The following VIPR2 variants were observed in gnomAD, a reference collection of about 807,000 sequenced individuals.
The protein encoded by VIPR2 is vasoactive intestinal polypeptide receptor 2.
Under a neutral mutation model 58.0 loss-of-function variants are expected in VIPR2, and 48 were observed. That is an observed-to-expected ratio of 0.83 (90% CI 0.66 to 1.05). The LOEUF (loss-of-function observed/expected upper bound fraction) is 1.05. Among genes scored for constraint, VIPR2 ranks in the 50% least tolerant of loss-of-function variants. VIPR2 has a pLI of 0.00. For missense variants in VIPR2, 534 were observed against 558.0 expected, an observed-to-expected ratio of 0.96 and a Z score of 0.43; for synonymous variants, 243 against 235.2, an observed-to-expected ratio of 1.03 and a Z score of -0.30.
intron 2 of VIPR2, among the ~76,000 whole-genome samples, chr7:159,110,319 G>C (rs1008494059): frequency 1.3e-5 from 2 of 152,220 alleles, no homozygotes; most frequent in African/African-American, 4.8e-5. Context: ...GCAAATAAAA[G>C]TATTTGATAA....
chr7:159,128,238 G>C lies in VIPR2; in HGVS notation c.151+14208C>G, dbSNP rs970964146. 6.6e-6 allele frequency among the ~76,000 whole-genome samples: 1 copy of C among 152,144 alleles called. No individual in the cohort carries two copies. The highest frequency in any genetic ancestry group is 2.4e-5 in the African/African-American group (1 of 41,426). On this transcript the variant is annotated intron_variant, in intron 2 of 12. Coordinates refer to ENST00000262178, the MANE Select transcript of VIPR2 (RefSeq NM_003382.5). This position sits in a 1 kb window ranked among gnomAD's most constrained non-coding sequence, Gnocchi z 4.1. The stretch of plus-strand genomic sequence containing the variant: ...CGGCCGGCCATGGTGTGGAACAGCT[G>C]CTGGGCCCTGGGATGTCTGCCCCAT...
rs1396370816 is a variant in VIPR2, at chr7:159,098,111, C to G, written c.357+5646G>C. 6.6e-6 allele frequency among the ~76,000 whole-genome samples: 1 copy of G among 152,232 alleles called. No homozygotes were observed. The highest frequency in any genetic ancestry group is 1.5e-5 in the Non-Finnish European group (1 of 68,042). On this transcript the variant is annotated intron_variant, in intron 4 of 12. Coordinates refer to ENST00000262178, the MANE Select transcript of VIPR2 (RefSeq NM_003382.5). The surrounding 1 kb of genome is among the most constrained non-coding windows in gnomAD (Gnocchi z 5.2). ...CCAGCCCGGCCACTGCCGCTCCCGT[C>G]CTCTGCCTGAGCTGTTCTGTTTTCC... is the stretch of plus-strand genomic sequence containing the variant.
At chr7:159,032,679 C>T (rs1306428072) in intron 10 of VIPR2, among the ~76,000 whole-genome samples, 1 of 152,194 alleles carries the variant, frequency 6.6e-6, no homozygotes, top group Non-Finnish European at 1.5e-5. Context: ...ACCAGAGTTA[C>T]ACAGAAAGGA....
At chr7:159,118,740 C>T (rs1016150742) in intron 2 of VIPR2, among the ~76,000 whole-genome samples, 3 of 152,198 alleles carry the variant, frequency 2.0e-5, no homozygotes, top group Admixed American at 1.3e-4. Flanking sequence ...CTTCTTGTAC[C>T]GTGGTGATTC....
intron 5 of VIPR2, among the ~76,000 whole-genome samples, chr7:159,056,494 T>C (rs1342932616): frequency 1.3e-5 from 2 of 152,114 alleles, no homozygotes; most frequent in East Asian, 1.9e-4. Flanking sequence ...TGGACTGGCA[T>C]GGACTGGAAC....
Position 159,032,083 on chromosome 7 carries a change from T to C in VIPR2, c.972-16A>G. 1 of 1,613,652 alleles carries C rather than the reference T, an allele frequency of 6.2e-7. No individual in the cohort carries two copies. ...GGCCAGCCTCCTGCACAGAAGGAGA[T>C]GAGCCAGCTCAGCTGCTGGACCCTC... is the stretch of plus-strand genomic sequence containing the variant. On this transcript the variant is annotated splice_polypyrimidine_tract_variant and intron_variant, in intron 10 of 12. Transcript: ENST00000262178.
At chr7:159,121,032 G>T (rs936903405) in intron 2 of VIPR2, among the ~76,000 whole-genome samples, 1 of 152,174 alleles carries the variant, frequency 6.6e-6, no homozygotes, top group African/African-American at 2.4e-5. Context: ...ATTAAAGTTT[G>T]GAGCTAAACA....
chr7:159,106,347 T>C (rs1396947192), intron 3 of VIPR2, among the ~76,000 whole-genome samples: 4 of 152,100 alleles, frequency 2.6e-5, no homozygotes, highest in Non-Finnish European at 2.9e-5. Context: ...GGGGCAGATG[T>C]GGAAGGACAG....
At chr7:159,103,703 G>C in intron 4 of VIPR2, 54 bp downstream of exon 4, 6 of 1,353,866 alleles carry the variant, frequency 4.4e-6, no homozygotes, top group Non-Finnish European at 5.3e-6. Flanking sequence ...GGGGGCTTCT[G>C]GTGCAGTGTT....
chr7:159,088,620 T>C (rs896961417), intron 4 of VIPR2, among the ~76,000 whole-genome samples: 1 of 152,230 alleles, frequency 6.6e-6, no homozygotes, highest in Non-Finnish European at 1.5e-5. Context: ...CAGGACAGTG[T>C]CTCACAAGTT....
rs111262456 is a variant in VIPR2 at position 159,042,673 on chromosome 7, C to T, written c.597+362G>A. On this transcript the variant is annotated intron_variant, in intron 6 of 12. Transcript: ENST00000262178. ...CTGCTCAGAATCTAGGAGATTCAGACAGAAAGCAACAGAGTTGTGTGTGTT... is the reference window on the plus strand; with the variant it reads ...CTGCTCAGAATCTAGGAGATTCAGATAGAAAGCAACAGAGTTGTGTGTGTT... 7.7e-3 allele frequency among the ~76,000 whole-genome samples: 1,170 copies of T among 152,350 alleles called. 13 individuals are homozygous for T. The highest frequency in any genetic ancestry group is 0.023 in the African/African-American group (955 of 41,574).
At position 159,097,000 on chromosome 7, in the gene VIPR2, G is replaced by GCT. The variant is rs1183386178; in HGVS notation, c.357+6755_357+6756dup. 4.2e-5 allele frequency: 65 copies of GCT among 1,550,476 alleles called. No homozygotes were observed. The highest frequency in any genetic ancestry group is 5.6e-5 in the Non-Finnish European group (64 of 1,146,994). On this transcript the variant is annotated intron_variant, in intron 4 of 12. Transcript: ENST00000262178. The surrounding 1 kb of genome is among the most constrained non-coding windows in gnomAD (Gnocchi z 5.5). The stretch of plus-strand genomic sequence containing the variant: ...ATGAGGGGAGGCTTCCTTCAGAAAA[G>GCT]CTGCTGCTCTCAGAGGTGATTTGGG...
chr7:159,073,314 C>T (rs1376372246), intron 4 of VIPR2, among the ~76,000 whole-genome samples: 1 of 152,036 alleles, frequency 6.6e-6, no homozygotes, highest in Non-Finnish European at 1.5e-5. Context: ...GTAGATTTTC[C>T]CCAGGATGCA....
intron 2 of VIPR2, chr7:159,117,039 C>T (rs984665026): frequency 1.6e-4 from 68 of 435,178 alleles, no homozygotes; most frequent in Non-Finnish European, 2.5e-5. Flanking sequence ...ATGACTTTTA[C>T]ATATACTCCA....
At chr7:159,104,083 CTG>C (rs1210431301) in intron 3 of VIPR2, among the ~76,000 whole-genome samples, 2 of 152,194 alleles carry the variant, frequency 1.3e-5, no homozygotes, top group East Asian at 3.9e-4. Flanking sequence ...AGTGAACGCA[CTG>C]TGTCATAAGT....
chr7:159,135,148 A>G (rs1797162798), intron 2 of VIPR2, among the ~76,000 whole-genome samples: 1 of 151,978 alleles, frequency 6.6e-6, no homozygotes, highest in African/African-American at 2.4e-5. Context: ...TTTAACATTA[A>G]AAAAGGGCCG....
chr7:159,051,903 T>C (rs1855029749), intron 5 of VIPR2, among the ~76,000 whole-genome samples: 1 of 152,210 alleles, frequency 6.6e-6, no homozygotes, highest in Non-Finnish European at 1.5e-5. Context: ...TTTTAATACA[T>C]GTCTTTCAGT....
intron 1 of VIPR2, among the ~76,000 whole-genome samples, chr7:159,143,844 C>CCCG (rs1217453628): frequency 1.3e-5 from 2 of 152,280 alleles, no homozygotes; most frequent in African/African-American, 4.8e-5. Flanking sequence ...TTTCCAAGGA[C>CCCG]CCGCTCCGCA....
intron 5 of VIPR2, among the ~76,000 whole-genome samples, chr7:159,047,742 T>C (rs749931605): frequency 1.3e-5 from 2 of 152,244 alleles, no homozygotes; most frequent in Non-Finnish European, 2.9e-5. Flanking sequence ...GCTGAGCGTT[T>C]ACACAACACC....
Sources: gnomAD v4.1 joint callset for allele counts (sites outside exome capture counted in the v4.1 genomes callset) on GRCh38, gnomAD v4.1.1 for gene constraint, Gnocchi (gnomAD v3.1) non-coding constraint, MANE v1.5 for transcripts, NCBI Gene and HGNC (gene_info 2026-07-23, HGNC 2026-07-21) for gene names.